The following DSTYK variants were observed in gnomAD, a reference collection of about 807,000 sequenced individuals.
The protein encoded by DSTYK is RIP-homologous kinase.
DSTYK carries 34 observed loss-of-function variants against 98.7 expected under a neutral mutation model. The ratio of observed to expected loss-of-function variants is 0.34; its 90% CI spans 0.26 to 0.46. DSTYK has a LOEUF of 0.46. DSTYK is among the 20% of genes least tolerant of loss of function. The probability of loss-of-function intolerance (pLI) is 1.00; values close to 1 mark genes in which losing one functional copy is unlikely to be tolerated. For synonymous variants in DSTYK, 462 were observed against 457.3 expected (o/e 1.01, Z -0.13); for missense variants, 962 against 1,181.7 (o/e 0.81, Z 2.73).
intron 2 of DSTYK, among the ~76,000 whole-genome samples, chr1:205,181,293 A>T (rs1393067533): frequency 8.9e-6 from 1 of 111,992 alleles, no homozygotes; most frequent in African/African-American, 2.5e-5. Context: ...TTATCTTTTA[A>T]CCTAGATATA....
chr1:205,209,987 G>A (rs1458035433), intron 1 of DSTYK, among the ~76,000 whole-genome samples: 1 of 151,928 alleles, frequency 6.6e-6, no homozygotes, highest in East Asian at 1.9e-4. Flanking sequence ...TGCAACCTCC[G>A]CCGCCTGGTT....
rs950315855 is a variant in DSTYK, at chr1:205,143,916, G to C, written c.*3642C>G. ...TAGGAGAATCTGCTGCCTAGGCTCT[G>C]TCCCCTTGAAGTTGATGGAGTCAAA... On this transcript the variant is annotated 3_prime_UTR_variant, in exon 13 of 13. Coordinates refer to ENST00000367162, the MANE Select transcript of DSTYK (RefSeq NM_015375.3). 6.6e-6 allele frequency: 1 copy of C among 152,632 alleles called. No individual in the cohort carries two copies. Among genetic ancestry groups the C allele is most frequent in the Non-Finnish European group, 1.5e-5 (1 of 68,048 alleles). 9.5% of individuals were successfully genotyped at this position (152,632 alleles called of 1,614,324 possible).
intron 11 of DSTYK, 137 bp from the exon 12 acceptor site, chr1:205,148,476 G>T: frequency 9.8e-7 from 1 of 1,020,998 alleles, no homozygotes; most frequent in Non-Finnish European, 1.4e-6. Flanking sequence ...ACCCTGCCAG[G>T]TAGGCAGGGT....
rs113870659 is a variant in DSTYK, at chr1:205,182,661, C to T, written c.654+4757G>A. On this transcript the variant is annotated intron_variant, in intron 2 of 12. Coordinates refer to ENST00000367162, the MANE Select transcript of DSTYK (RefSeq NM_015375.3). ...TCTCTACCAAAAGTACAAAAATTAG[C>T]CAGGCATGGTGGCAGGCACCTGTGA... is the stretch of plus-strand genomic sequence containing the variant. Among the ~76,000 whole-genome samples, 1,302 of 151,938 alleles carry T rather than the reference C, an allele frequency of 8.6e-3. 22 individuals are homozygous for T. The highest frequency in any genetic ancestry group is 0.03 in the African/African-American group (1,248 of 41,438).
At chr1:205,149,343 C>T (rs1283186357) in intron 11 of DSTYK, among the ~76,000 whole-genome samples, 5 of 151,992 alleles carry the variant, frequency 3.3e-5, no homozygotes, top group African/African-American at 4.8e-5. Flanking sequence ...GGGGAAGACT[C>T]GTACATGAAA....
chr1:205,189,029 C>T (rs1022008960), intron 1 of DSTYK, among the ~76,000 whole-genome samples: 1 of 152,042 alleles, frequency 6.6e-6, no homozygotes, highest in Non-Finnish European at 1.5e-5. Flanking sequence ...ACATTGTTAC[C>T]CACATATCGA....
intron 1 of DSTYK, among the ~76,000 whole-genome samples, chr1:205,199,090 G>A (rs1054782824): frequency 5.9e-5 from 9 of 151,896 alleles, no homozygotes; most frequent in African/African-American, 2.2e-4. Flanking sequence ...TAATTATTTG[G>A]GACAATTCTG....
intron 10 of DSTYK, among the ~76,000 whole-genome samples, chr1:205,153,208 T>C (rs1161198536): frequency 6.6e-6 from 1 of 152,250 alleles, no homozygotes; most frequent in East Asian, 1.9e-4. Flanking sequence ...TGCTGTCATC[T>C]TTATAAATCA....
chr1:205,166,523 ATCT>A (rs1445067511), intron 3 of DSTYK, among the ~76,000 whole-genome samples: 8 of 152,120 alleles, frequency 5.3e-5, no homozygotes, highest in Non-Finnish European at 7.4e-5. Flanking sequence ...TTGCTTCTAA[ATCT>A]TCTTATTGTT....
chr1:205,207,693 T>C (rs1465846029), intron 1 of DSTYK, among the ~76,000 whole-genome samples: 8 of 121,190 alleles, frequency 6.6e-5, no homozygotes, highest in Non-Finnish European at 9.5e-5. Context: ...GAGGTGAAGG[T>C]TGCAGTGAGC....
At chr1:205,206,583 CTTT>C (rs761643455) in intron 1 of DSTYK, among the ~76,000 whole-genome samples, 4 of 109,604 alleles carry the variant, frequency 3.6e-5, no homozygotes. Flanking sequence ...CTGGCCTGTT[CTTT>C]TTTTTTTTTT....
At position 205,169,080 on chromosome 1, in the gene DSTYK, G is replaced by C; in HGVS notation, c.1324+83C>G. On this transcript the variant is annotated intron_variant, in intron 3 of 12. Coordinates refer to ENST00000367162, the MANE Select transcript of DSTYK (RefSeq NM_015375.3). The surrounding 1 kb of genome is among the most constrained non-coding windows in gnomAD (Gnocchi z 4.0). ...TACCCTGAGATTCCTTTAACCTTAG[G>C]AATTAACGTTCTTAATTTCCGGCTA... 2 of 1,208,694 alleles carry C rather than the reference G, an allele frequency of 1.7e-6. No homozygotes were observed. Among genetic ancestry groups the C allele is most frequent in the Middle Eastern group, 2.0e-4 (1 of 5,010 alleles). 74.9% of individuals were successfully genotyped at this position (1,208,694 alleles called of 1,614,324 possible).
At chr1:205,160,986 C>T (rs965803302) in intron 7 of DSTYK, among the ~76,000 whole-genome samples, 1 of 151,836 alleles carries the variant, frequency 6.6e-6, no homozygotes, top group Non-Finnish European at 1.5e-5. Context: ...ATCGCCTAGG[C>T]TGGTCTTGAA....
chr1:205,188,232 T>G (rs747194659), intron 1 of DSTYK, among the ~76,000 whole-genome samples: 13 of 152,146 alleles, frequency 8.5e-5, no homozygotes, highest in Non-Finnish European at 1.8e-4. Flanking sequence ...GTGTCAAAAT[T>G]AAACCCTTTC....
intron 1 of DSTYK, chr1:205,202,812 G>T (rs1659081880): frequency 5.6e-6 from 3 of 536,068 alleles, no homozygotes; most frequent in Admixed American, 3.0e-5. Flanking sequence ...GTAAATAAAG[G>T]CATAATCTGT....
chr1:205,173,547 A>C (rs1163469644), intron 2 of DSTYK, among the ~76,000 whole-genome samples: 1 of 152,192 alleles, frequency 6.6e-6, no homozygotes, highest in Non-Finnish European at 1.5e-5. Context: ...GAAAGCCTAA[A>C]TATTCAAAAC....
intron 9 of DSTYK, among the ~76,000 whole-genome samples, chr1:205,158,121 C>G (rs1260102434): frequency 6.6e-6 from 1 of 152,190 alleles, no homozygotes; most frequent in East Asian, 1.9e-4. Flanking sequence ...CTCCTGAATA[C>G]TGGAAAATGT....
At chr1:205,197,438 T>G (rs1024944841) in intron 1 of DSTYK, among the ~76,000 whole-genome samples, 4 of 152,170 alleles carry the variant, frequency 2.6e-5, no homozygotes, top group Non-Finnish European at 5.9e-5. Context: ...AAAATTTGCA[T>G]GAAGCAGGTA....
chr1:205,209,770 G>A (rs1659315584), intron 1 of DSTYK, among the ~76,000 whole-genome samples: 1 of 152,120 alleles, frequency 6.6e-6, no homozygotes, highest in South Asian at 2.1e-4. Flanking sequence ...AACACGCAAA[G>A]TCAGAACAAT....
Sources: allele counts gnomAD v4.1 joint callset (sites outside exome capture counted in the v4.1 genomes callset), GRCh38; gene constraint gnomAD v4.1.1; non-coding constraint Gnocchi (gnomAD v3.1); transcripts MANE v1.5; gene names NCBI Gene and HGNC (gene_info 2026-07-23, HGNC 2026-07-21).